The following MIPEP variants were observed in gnomAD, a reference collection of about 807,000 sequenced individuals.
The protein encoded by MIPEP is mitochondrial intermediate peptidase.
MIPEP carries 79 observed loss-of-function variants against 90.3 expected under a neutral mutation model. That is an observed-to-expected ratio of 0.87 (90% CI 0.73 to 1.05). The LOEUF is 1.05. Ranked by LOEUF, MIPEP falls within the 50% of genes least tolerant of loss-of-function variation. MIPEP has a pLI of 0.00. For missense variants in MIPEP, 940 were observed against 905.6 expected (o/e 1.04, Z -0.49); for synonymous variants, 334 against 315.8 (o/e 1.06, Z -0.61).
chr13:23,880,627 G>A (rs1871235927), intron 3 of MIPEP, among the ~76,000 whole-genome samples: 1 of 152,172 alleles, frequency 6.6e-6, no homozygotes, highest in Non-Finnish European at 1.5e-5. Flanking sequence ...GAGAGGCAAA[G>A]CTTTCTCCCA....
At chr13:23,858,290 C>T (rs1394478864) in intron 10 of MIPEP, among the ~76,000 whole-genome samples, 1 of 151,920 alleles carries the variant, frequency 6.6e-6, no homozygotes, top group Non-Finnish European at 1.5e-5. Flanking sequence ...ATATAATAAA[C>T]ACAGGAGGAT....
At chr13:23,825,940 A>G (rs758043951) in intron 14 of MIPEP, among the ~76,000 whole-genome samples, 10 of 152,216 alleles carry the variant, frequency 6.6e-5, no homozygotes, top group Non-Finnish European at 1.5e-4. Flanking sequence ...AAAGACAACT[A>G]GAGCAGTAAA....
intron 2 of MIPEP, among the ~76,000 whole-genome samples, chr13:23,883,720 T>C (rs1014354511): frequency 6.6e-6 from 1 of 152,186 alleles, no homozygotes; most frequent in African/African-American, 2.4e-5. Flanking sequence ...ACTCCACAGA[T>C]CCCCCAATCT....
At position 23,879,173 on chromosome 13, in the gene MIPEP, A is replaced by C. The variant is rs1871183526; in HGVS notation, c.539+95T>G. The C allele has an allele frequency of 6.2e-5, 46 of 739,474 alleles. No individual in the cohort carries two copies. In the South Asian group the frequency reaches 7.6e-4, roughly 12 times the overall value. The allele number at this position is 739,474 out of a possible 1,614,324, so 45.8% of individuals were successfully genotyped here. A position where few individuals can be genotyped will look rare whatever the true frequency, so the allele number is the denominator to read the frequency against. On this transcript the variant is annotated intron_variant, in intron 4 of 18. Coordinates refer to ENST00000382172, the MANE Select transcript of MIPEP (RefSeq NM_005932.4). Reference sequence around the variant, plus strand: ...ATACCTGGGGAGGAACATTCCAGACAACAGAGGCTGCAAGTACAGAGGCCC... The same window carrying C: ...ATACCTGGGGAGGAACATTCCAGACCACAGAGGCTGCAAGTACAGAGGCCC...
chr13:23,879,544 G>A (rs1871199636), intron 3 of MIPEP, among the ~76,000 whole-genome samples, 190 bp from the exon 4 acceptor site: 1 of 150,980 alleles, frequency 6.6e-6, no homozygotes, highest in Non-Finnish European at 1.5e-5. Context: ...CCTTATTTTG[G>A]AGACAGGGTC....
intron 16 of MIPEP, among the ~76,000 whole-genome samples, chr13:23,780,463 T>C (rs1952768905): frequency 6.6e-6 from 1 of 152,044 alleles, no homozygotes; most frequent in Non-Finnish European, 1.5e-5. Flanking sequence ...TACGTCACCA[T>C]CATCAAAGAC....
At chr13:23,809,983 G>T in intron 14 of MIPEP, 59 bp from the exon 15 acceptor site, 1 of 973,594 alleles carries the variant, frequency 1.0e-6, no homozygotes, top group Non-Finnish European at 1.6e-6. Context: ...ACTGCACTAT[G>T]TATAAGCCAG....
intron 16 of MIPEP, among the ~76,000 whole-genome samples, chr13:23,799,875 G>A (rs1953013571): frequency 6.6e-6 from 1 of 152,180 alleles, no homozygotes; most frequent in South Asian, 2.1e-4. Flanking sequence ...CATCAAGATG[G>A]TGAATTTTAA....
intron 7 of MIPEP, among the ~76,000 whole-genome samples, chr13:23,869,013 T>G (rs7335642): frequency 0.99 from 151,075 of 152,324 alleles, 74,943 homozygotes; most frequent in Middle Eastern, 1. Context: ...ACAGAAACTG[T>G]GTTAAAATGA....
chr13:23,815,317 A>ATT (rs869217329), intron 14 of MIPEP, among the ~76,000 whole-genome samples: 4 of 10,162 alleles, frequency 3.9e-4, no homozygotes, highest in Admixed American at 1.4e-3. Context: ...TAGTTTCCTG[A>ATT]TTTTTTGTTT....
chr13:23,778,156 G>T (rs546279878), intron 16 of MIPEP, among the ~76,000 whole-genome samples: 7 of 152,210 alleles, frequency 4.6e-5, no homozygotes, highest in Admixed American at 2.0e-4. Flanking sequence ...TTTTCTAAAT[G>T]TTCTGAGAAA....
intron 16 of MIPEP, among the ~76,000 whole-genome samples, chr13:23,783,540 C>T (rs1319210708): frequency 6.6e-6 from 1 of 152,124 alleles, no homozygotes; most frequent in African/African-American, 2.4e-5. Flanking sequence ...AAAACTGGCA[C>T]AAAACAGGGA....
At chr13:23,838,329 G>T (rs1286922623) in intron 12 of MIPEP, among the ~76,000 whole-genome samples, 2 of 151,366 alleles carry the variant, frequency 1.3e-5, no homozygotes, top group African/African-American at 4.9e-5. Context: ...ATTTTTTTTT[G>T]TACAGATGGA....
chr13:23,754,824 C>T (rs373720885), intron 18 of MIPEP, among the ~76,000 whole-genome samples: 5 of 152,188 alleles, frequency 3.3e-5, no homozygotes, highest in Non-Finnish European at 7.3e-5. Flanking sequence ...CAAAAGTATA[C>T]AATGTACCCA....
At position 23,836,334 on chromosome 13, in the gene MIPEP, G is replaced by C. The variant is rs764483454; in HGVS notation, c.1559C>G (p.Thr520Ser). Residue 520 changes from threonine (T) to serine (S), a missense_variant, in exon 14 of 19, where the codon ACT (threonine) becomes AGT (serine). By Grantham distance (58) the Thr-to-Ser change is moderately conservative. Coordinates refer to ENST00000382172, the MANE Select transcript of MIPEP (RefSeq NM_005932.4). ...YQHVTGTRCP[T>S]DFAEVPSILM... The stretch of plus-strand genomic sequence containing the variant: ...AATAGAAGGAACCTCAGCAAAATCA[G>C]TAGGGCACCTGGTCCCTAAAACAAG... 1 of 1,583,578 alleles carries C rather than the reference G, an allele frequency of 6.3e-7. No individual in the cohort carries two copies. The highest frequency in any genetic ancestry group is 8.6e-7 in the Non-Finnish European group (1 of 1,168,248).
At chr13:23,869,479 T>C (rs1278454897) in intron 6 of MIPEP, 31 bp from the exon 7 acceptor site, 2 of 1,574,088 alleles carry the variant, frequency 1.3e-6, no homozygotes, top group African/African-American at 2.7e-5. Flanking sequence ...GTGAAGGCTA[T>C]AAATATCATC....
At chr13:23,775,596 G>A (rs1456310880) in intron 16 of MIPEP, among the ~76,000 whole-genome samples, 1 of 152,106 alleles carries the variant, frequency 6.6e-6, no homozygotes, top group Non-Finnish European at 1.5e-5. Flanking sequence ...TAGGGTCTAT[G>A]TGCATATATG....
At chr13:23,809,976 G>A in intron 14 of MIPEP, 52 bp from the exon 15 acceptor site, 1 of 1,138,114 alleles carries the variant, frequency 8.8e-7, no homozygotes, top group Non-Finnish European at 1.3e-6. Context: ...ATAAGTCACT[G>A]CACTATGTAT....
intron 16 of MIPEP, among the ~76,000 whole-genome samples, chr13:23,762,682 T>C (rs947789696): frequency 6.6e-6 from 1 of 152,202 alleles, no homozygotes; most frequent in African/African-American, 2.4e-5. Context: ...TGTGGGCCTG[T>C]AATGGGGCAG....
Sources: gnomAD v4.1 joint callset for allele counts (sites outside exome capture counted in the v4.1 genomes callset) on GRCh38, gnomAD v4.1.1 for gene constraint, MANE v1.5 for transcripts, NCBI Gene and HGNC (gene_info 2026-07-23, HGNC 2026-07-21) for gene names.